Variants in DGKG observed in about 807,000 individuals in gnomAD.
DGKG encodes the protein diacylglycerol kinase gamma.
A neutral mutation model predicts 105.3 loss-of-function variants in DGKG; 78 were observed. The ratio of observed to expected loss-of-function variants is 0.74; its 90% confidence interval spans 0.62 to 0.89. DGKG has a LOEUF of 0.89. Ranked by LOEUF, DGKG falls within the 40% of genes least tolerant of loss-of-function variation. DGKG has a pLI of 0.00. For synonymous variants in DGKG, 346 were observed against 367.1 expected, an observed-to-expected ratio of 0.94 and a Z score of 0.66; for missense variants, 958 against 1,020.1, an observed-to-expected ratio of 0.94 and a Z score of 0.83.
At chr3:186,221,010 G>C (rs967939567) in intron 20 of DGKG, among the ~76,000 whole-genome samples, 11 of 152,170 alleles carry the variant, frequency 7.2e-5, no homozygotes, top group African/African-American at 2.4e-4. Flanking sequence ...AGCACACAAG[G>C]ACACACGTGT....
At chr3:186,217,204 G>A (rs1719335751) in intron 20 of DGKG, among the ~76,000 whole-genome samples, 1 of 152,106 alleles carries the variant, frequency 6.6e-6, no homozygotes, top group African/African-American at 2.4e-5. Flanking sequence ...TAAAACTAAC[G>A]ATGTTTTCAT....
chr3:186,214,509 TA>T (rs146131856), intron 20 of DGKG, among the ~76,000 whole-genome samples: 231 of 152,306 alleles, frequency 1.5e-3, no homozygotes, highest in Admixed American at 3.5e-3. Context: ...AGATATTATA[TA>T]TTAATATTTT....
Position 186,284,568 on chromosome 3 carries a change from G to A in DGKG, c.594+92C>T, listed in dbSNP as rs759566274. ...GAGACATTGCTATTACTACAAAGAC[G>A]GAACTGAACATTTTCAGATTCTTCC... On this transcript the variant is annotated intron_variant, in intron 7 of 24. Coordinates refer to ENST00000265022, the MANE Select transcript of DGKG (RefSeq NM_001346.3). This position sits in a 1 kb window ranked among gnomAD's most constrained non-coding sequence, Gnocchi z 4.0. 6.7e-4 allele frequency: 753 copies of A among 1,118,018 alleles called. No homozygotes were observed. The highest frequency in any genetic ancestry group is 9.4e-4 in the Non-Finnish European group (691 of 733,380). 69.3% of individuals were successfully genotyped at this position (1,118,018 alleles called of 1,614,324 possible). A position where few individuals can be genotyped will look rare whatever the true frequency, so the allele number is the denominator to read the frequency against.
chr3:186,348,553 G>A (rs1168691938), intron 1 of DGKG, among the ~76,000 whole-genome samples: 3 of 151,028 alleles, frequency 2.0e-5, no homozygotes, highest in Non-Finnish European at 4.4e-5. Flanking sequence ...TTGGGCTCAG[G>A]TGATCCTTCC....
At chr3:186,360,899 C>T (rs181512875) in intron 1 of DGKG, among the ~76,000 whole-genome samples, 1 of 152,372 alleles carries the variant, frequency 6.6e-6, no homozygotes, top group East Asian at 1.9e-4. Context: ...CCTCCCAGGC[C>T]CTCCTCCCCA....
At position 186,148,465 on chromosome 3, in the gene DGKG, C is replaced by T. The variant is rs762954789; in HGVS notation, c.*1625G>A. On this transcript the variant is annotated 3_prime_UTR_variant, in exon 25 of 25. Transcript: ENST00000265022. ...CCTCTGGGAAGCAGCATGAGGCGCTCGTTTTCTTGTGTGGGGATATCCCAT... is the reference window on the plus strand; with the variant it reads ...CCTCTGGGAAGCAGCATGAGGCGCTTGTTTTCTTGTGTGGGGATATCCCAT... 9 of 985,276 alleles carry T rather than the reference C, an allele frequency of 9.1e-6. No individual in the cohort carries two copies. The highest frequency in any genetic ancestry group is 1.7e-5 in the African/African-American group (1 of 57,216). 61.0% of individuals were successfully genotyped at this position (985,276 alleles called of 1,614,324 possible).
rs574790680 is a variant in DGKG at position 186,328,582 on chromosome 3, T to A, written c.-248-7875A>T. Among the ~76,000 whole-genome samples, 45 of 151,594 alleles carry A rather than the reference T, an allele frequency of 3.0e-4. 1 individual carries two copies. The East Asian group carries it at 6.0e-3, about 20-fold the overall frequency. On this transcript the variant is annotated intron_variant, in intron 1 of 24. Coordinates refer to ENST00000265022, the MANE Select transcript of DGKG (RefSeq NM_001346.3). ...GGAAAAGGCTACACCATTCTTTTTT[T>A]TTTTTTTTCTTGAGATGGAGTTTTG...
chr3:186,177,080 C>T (rs925096397), intron 22 of DGKG, among the ~76,000 whole-genome samples: 5 of 152,214 alleles, frequency 3.3e-5, no homozygotes, highest in Non-Finnish European at 5.9e-5. Flanking sequence ...GGGTTGTTGA[C>T]TCTCAATTTG....
At chr3:186,314,702 C>T (rs983429505) in intron 2 of DGKG, among the ~76,000 whole-genome samples, 5 of 146,718 alleles carry the variant, frequency 3.4e-5, no homozygotes, top group Admixed American at 7.0e-5. Context: ...TGTGGTGAGC[C>T]GAGATCGCGC....
At chr3:186,202,352 A>G (rs1409684026) in intron 21 of DGKG, among the ~76,000 whole-genome samples, 1 of 152,230 alleles carries the variant, frequency 6.6e-6, no homozygotes, top group Non-Finnish European at 1.5e-5. Context: ...TAGTAAGTTT[A>G]TGACTTCACA....
At chr3:186,234,911 C>T (rs2108544177) in intron 20 of DGKG, among the ~76,000 whole-genome samples, 1 of 152,264 alleles carries the variant, frequency 6.6e-6, no homozygotes, top group South Asian at 2.1e-4. Context: ...TTTGATCATC[C>T]ACCACTGTAG....
Position 186,147,354 on chromosome 3 carries a change from C to G in DGKG, c.*2736G>C. ...GTGGCTTTGAGAAGTCACTAAACCT[C>G]ATTAAGCCTTGTTCTCCTCATTGAG... On this transcript the variant is annotated 3_prime_UTR_variant, in exon 25 of 25. Transcript: ENST00000265022. The G allele has an allele frequency of 4.1e-6, 4 of 980,912 alleles. No individual in the cohort carries two copies. Among genetic ancestry groups the G allele is most frequent in the Non-Finnish European group, 4.8e-6 (4 of 825,414 alleles). 60.8% of individuals were successfully genotyped at this position (980,912 alleles called of 1,614,324 possible). A position where few individuals can be genotyped will look rare whatever the true frequency, so the allele number is the denominator to read the frequency against.
intron 1 of DGKG, among the ~76,000 whole-genome samples, chr3:186,338,182 A>C (rs1015457343): frequency 6.6e-6 from 1 of 151,784 alleles, no homozygotes; most frequent in Non-Finnish European, 1.5e-5. Context: ...AAAAAAAAAA[A>C]AAAAAAGAAA....
At chr3:186,205,698 A>T (rs1263213678) in intron 21 of DGKG, among the ~76,000 whole-genome samples, 1 of 141,094 alleles carries the variant, frequency 7.1e-6, no homozygotes, top group Non-Finnish European at 1.6e-5. Flanking sequence ...TGACAGCAAG[A>T]GCTCCATCTC....
At chr3:186,224,108 A>G (rs915466754) in intron 20 of DGKG, among the ~76,000 whole-genome samples, 1 of 152,104 alleles carries the variant, frequency 6.6e-6, no homozygotes, top group African/African-American at 2.4e-5. Flanking sequence ...TTTAATTTGA[A>G]CACTCTACTT....
At position 186,282,473 on chromosome 3, in the gene DGKG, T is replaced by C. The variant is rs566772177; in HGVS notation, c.595-1729A>G. On this transcript the variant is annotated intron_variant, in intron 7 of 24. Coordinates refer to ENST00000265022, the MANE Select transcript of DGKG (RefSeq NM_001346.3). ...CTTACTACCTGCAATGATTCTACCCTGTACAAGTCTACACCATTTCATGCC... is the reference window on the plus strand; with the variant it reads ...CTTACTACCTGCAATGATTCTACCCCGTACAAGTCTACACCATTTCATGCC... Among the ~76,000 whole-genome samples, 4 of 152,314 alleles carry C rather than the reference T, an allele frequency of 2.6e-5. No individual in the cohort carries two copies. In the South Asian group the frequency reaches 6.2e-4, roughly 24 times the overall value.
intron 9 of DGKG, among the ~76,000 whole-genome samples, chr3:186,275,977 TATCTATCTATC>T (rs1176802284): frequency 6.6e-6 from 1 of 151,768 alleles, no homozygotes; most frequent in African/African-American, 2.4e-5. Context: ...TCTATCTATC[TATCTATCTATC>T]TATCTATTAT....
At chr3:186,183,248 C>T (rs753426617) in intron 22 of DGKG, among the ~76,000 whole-genome samples, 7 of 152,232 alleles carry the variant, frequency 4.6e-5, no homozygotes, top group South Asian at 2.1e-4. Flanking sequence ...CACCACTGGA[C>T]GTAAATTATA....
intron 24 of DGKG, 117 bp downstream of exon 24, chr3:186,161,486 G>T: frequency 6.5e-7 from 1 of 1,526,812 alleles, no homozygotes; most frequent in Non-Finnish European, 8.8e-7. Flanking sequence ...GGTTGCACTA[G>T]ATAATCTTCC....
Sources: gnomAD v4.1 joint callset for allele counts (sites outside exome capture counted in the v4.1 genomes callset) on GRCh38, gnomAD v4.1.1 for gene constraint, Gnocchi (gnomAD v3.1) non-coding constraint, MANE v1.5 for transcripts, NCBI Gene and HGNC (gene_info 2026-07-23, HGNC 2026-07-21) for gene names.